Variants in NSUN6 observed in about 807,000 individuals in gnomAD.
NSUN6 encodes the protein tRNA (cytosine(72)-C(5))-methyltransferase NSUN6.
In NSUN6, 64 loss-of-function variants were observed where a neutral mutation model predicts 58.0. The observed-to-expected ratio is 1.10, with a 90% CI of 0.90 to 1.36. The LOEUF is 1.36. NSUN6 is among the 40% of genes most tolerant of loss of function. NSUN6 has a pLI of 0.00. For missense variants in NSUN6, 701 were observed against 550.1 expected, an observed-to-expected ratio of 1.27 and a Z score of -2.74; for synonymous variants, 231 against 193.9, an observed-to-expected ratio of 1.19 and a Z score of -1.59.
At chr10:18,632,773 T>C (rs571201156) in intron 3 of NSUN6, among the ~76,000 whole-genome samples, 10 of 152,298 alleles carry the variant, frequency 6.6e-5, no homozygotes, top group African/African-American at 2.2e-4. Context: ...CTGGAGAGGA[T>C]GTGGAGAAAT....
chr10:18,583,139 C>G (rs2056979537), intron 8 of NSUN6, among the ~76,000 whole-genome samples: 1 of 152,200 alleles, frequency 6.6e-6, no homozygotes, highest in Admixed American at 6.5e-5. Context: ...TGTCCCTGCC[C>G]TACCTTGGCT....
intron 3 of NSUN6, among the ~76,000 whole-genome samples, chr10:18,622,872 G>A (rs766968976): frequency 1.2e-4 from 18 of 152,224 alleles, no homozygotes; most frequent in Non-Finnish European, 2.1e-4. Flanking sequence ...TTATCAAAAA[G>A]GGAGGAGCAT....
intron 5 of NSUN6, among the ~76,000 whole-genome samples, chr10:18,610,323 G>A (rs1417672408): frequency 6.6e-6 from 1 of 152,056 alleles, no homozygotes; most frequent in Non-Finnish European, 1.5e-5. Flanking sequence ...ACTCCAGCCT[G>A]GGCGTCAAGA....
intron 3 of NSUN6, among the ~76,000 whole-genome samples, chr10:18,619,974 G>A (rs2058545301): frequency 6.6e-6 from 1 of 151,546 alleles, no homozygotes; most frequent in East Asian, 1.9e-4. Flanking sequence ...AATATTCATT[G>A]AAAACATTAA....
intron 3 of NSUN6, among the ~76,000 whole-genome samples, chr10:18,620,749 C>T (rs2058576311): frequency 6.6e-6 from 1 of 152,218 alleles, no homozygotes; most frequent in Admixed American, 6.5e-5. Flanking sequence ...TTAATTTATA[C>T]TTCTACTGTG....
At chr10:18,600,548 C>T (rs1334546877) in intron 6 of NSUN6, among the ~76,000 whole-genome samples, 1 of 151,948 alleles carries the variant, frequency 6.6e-6, no homozygotes, top group Non-Finnish European at 1.5e-5. Flanking sequence ...TCACTTGAGC[C>T]TGGAAGATCA....
At chr10:18,585,169 T>C (rs1156580357) in intron 8 of NSUN6, among the ~76,000 whole-genome samples, 1 of 152,002 alleles carries the variant, frequency 6.6e-6, no homozygotes, top group East Asian at 1.9e-4. Flanking sequence ...AAAAATAATA[T>C]ATGCCGGCAA....
At position 18,614,459 on chromosome 10, in the gene NSUN6, C is replaced by T. The variant is rs749164172; in HGVS notation, c.575+1G>A. The T allele has an allele frequency of 6.6e-7, 1 of 1,512,592 alleles. No individual in the cohort carries two copies. The highest frequency in any genetic ancestry group is 2.3e-5 in the Admixed American group (1 of 43,146). 93.7% of individuals were successfully genotyped at this position (1,512,592 alleles called of 1,614,324 possible). A position where few individuals can be genotyped will look rare whatever the true frequency, so the allele number is the denominator to read the frequency against. ...TTTCCCCAAAGCACCTGATGACATA[C>T]TTCAGTTCAGGTAATCCACTGAAGA... On this transcript the variant is annotated splice_donor_variant, in intron 5 of 10. Coordinates refer to ENST00000377304, the MANE Select transcript of NSUN6 (RefSeq NM_182543.5). LOFTEE classifies it high-confidence loss of function.
intron 3 of NSUN6, among the ~76,000 whole-genome samples, chr10:18,631,692 T>G (rs989347845): frequency 3.4e-5 from 5 of 148,378 alleles, no homozygotes; most frequent in Admixed American, 2.7e-4. Context: ...GAATCCAACT[T>G]ACAAGGGATG....
At chr10:18,643,858 T>G (rs2059459800) in intron 2 of NSUN6, among the ~76,000 whole-genome samples, 1 of 152,166 alleles carries the variant, frequency 6.6e-6, no homozygotes, top group African/African-American at 2.4e-5. Flanking sequence ...AAGCCAAAGG[T>G]CATTGTCTCT....
chr10:18,611,733 TG>T lies in NSUN6; in HGVS notation c.576-1808del, dbSNP rs1170935386. Reference sequence around the variant, plus strand: ...ACAGAGTCTCACTATGGTGTGTGTGTGTGTGTGTGTGTGTGTCTGTGTGTGT... The same window carrying T: ...ACAGAGTCTCACTATGGTGTGTGTGTTGTGTGTGTGTGTGTCTGTGTGTGT... On this transcript the variant is annotated intron_variant, in intron 5 of 10. Transcript: ENST00000377304. Among the ~76,000 whole-genome samples the T allele has an allele frequency of 2.6e-4, 39 of 151,732 alleles. 1 individual carries two copies. In the South Asian group the frequency reaches 7.5e-3, roughly 29 times the overall value.
At chr10:18,659,295 A>C (rs568982735), upstream of NSUN6, 1 of 288,366 alleles carries the variant, frequency 3.5e-6, no homozygotes, top group Non-Finnish European at 6.5e-6. Context: ...CGCCGTCGTC[A>C]CGCGCCTAGC....
At chr10:18,550,013 T>C (rs2054504812) in intron 9 of NSUN6, among the ~76,000 whole-genome samples, 1 of 152,224 alleles carries the variant, frequency 6.6e-6, no homozygotes, top group Non-Finnish European at 1.5e-5. Context: ...GGAAGAGCCA[T>C]GGCTCAAGTC....
chr10:18,628,949 T>C (rs2058928523), intron 3 of NSUN6, among the ~76,000 whole-genome samples: 1 of 152,030 alleles, frequency 6.6e-6, no homozygotes, highest in South Asian at 2.1e-4. Flanking sequence ...AGACACATAA[T>C]TGTCAGATTC....
At chr10:18,568,813 C>T (rs905315607) in intron 8 of NSUN6, among the ~76,000 whole-genome samples, 5 of 150,182 alleles carry the variant, frequency 3.3e-5, no homozygotes, top group Admixed American at 1.4e-4. Context: ...CATTCCATTC[C>T]GTTCTCCATT....
In NSUN6 at chr10:18,648,664, T is replaced by A. The variant is rs781008282; in HGVS notation, c.76-19A>T. ...TCACAATCTAAAAAGAAGTTCATGT[T>A]TAAATTTCCTGAGAATTAAAAACAG... On this transcript the variant is annotated intron_variant, in intron 1 of 10. Coordinates refer to ENST00000377304, the MANE Select transcript of NSUN6 (RefSeq NM_182543.5). The A allele has an allele frequency of 1.3e-5, 19 of 1,466,826 alleles. No homozygotes were observed. In the South Asian group the frequency reaches 2.0e-4, roughly 15 times the overall value. 90.9% of individuals were successfully genotyped at this position (1,466,826 alleles called of 1,614,324 possible).
chr10:18,569,080 T>C (rs2056177167), intron 8 of NSUN6, among the ~76,000 whole-genome samples: 3 of 151,354 alleles, frequency 2.0e-5, no homozygotes, highest in African/African-American at 7.3e-5. Context: ...CCATTCTCCA[T>C]TCCATTCAAT....
upstream of NSUN6, chr10:18,652,349 G>A (rs2059724165): frequency 4.1e-6 from 4 of 982,618 alleles, no homozygotes; most frequent in African/African-American, 7.0e-5. Context: ...CTTGACATAT[G>A]TTTTTTGCAG....
At chr10:18,630,526 A>C (rs1346635286) in intron 3 of NSUN6, among the ~76,000 whole-genome samples, 2 of 152,208 alleles carry the variant, frequency 1.3e-5, no homozygotes, top group Non-Finnish European at 2.9e-5. Context: ...ATAAAGAAAA[A>C]AAGAGAGAAG....
Sources: gnomAD v4.1 joint callset for allele counts (sites outside exome capture counted in the v4.1 genomes callset) on GRCh38, gnomAD v4.1.1 for gene constraint, MANE v1.5 for transcripts, NCBI Gene and HGNC (gene_info 2026-07-23, HGNC 2026-07-21) for gene names.